NFATC1: variants seen among roughly 807,000 people sequenced by gnomAD.
The protein encoded by NFATC1 is nuclear factor of activated T-cells, cytoplasmic 1.
In NFATC1, 22 loss-of-function variants were observed where a neutral mutation model predicts 76.0. That is an observed-to-expected ratio of 0.29 (90% CI 0.21 to 0.41). NFATC1 has a LOEUF of 0.41. NFATC1 is among the 10% of genes least tolerant of loss of function. The pLI is 1.00. For missense variants in NFATC1, 1,357 were observed against 1,337.7 expected (o/e 1.01, Z -0.23); for synonymous variants, 704 against 613.1 (o/e 1.15, Z -2.19).
chr18:79,472,421 G>T (rs768446601), intron 8 of NFATC1, among the ~76,000 whole-genome samples: 4 of 152,218 alleles, frequency 2.6e-5, no homozygotes, highest in Non-Finnish European at 5.9e-5. Context: ...CTTCTGCTCA[G>T]CCCGGCAGCC....
rs750139191 is a variant in NFATC1 at position 79,486,367 on chromosome 18, C to A, written c.2212C>A (p.Pro738Thr). 2.5e-5 allele frequency: 40 copies of A among 1,613,068 alleles called. No individual in the cohort carries two copies. In the Middle Eastern group the frequency reaches 8.2e-4, roughly 33 times the overall value. Residue 738 changes from proline to threonine, a missense_variant, in exon 9 of 10, where the codon CCC (proline) becomes ACC (threonine). Transcript: ENST00000427363. ...PYYSQQLAMP[P>T]DPSSCLVAGF... ...CTACAGCCAGCAGCTCGCGATGCCA[C>A]CCGACCCCAGCTCCTGCCTCGTGGC...
At chr18:79,494,882 C>T (rs1430987022) in intron 9 of NFATC1, among the ~76,000 whole-genome samples, 3 of 139,212 alleles carry the variant, frequency 2.2e-5, no homozygotes, top group Admixed American at 1.4e-4. Context: ...AGCGGGCACA[C>T]GCCCCCCATG....
intron 9 of NFATC1, among the ~76,000 whole-genome samples, chr18:79,507,339 C>T (rs1002998721): frequency 2.6e-5 from 4 of 152,252 alleles, no homozygotes; most frequent in Admixed American, 6.5e-5. Context: ...GCCTGGACTG[C>T]GGGTTAGAGG....
chr18:79,426,777 T>G (rs2086351148), intron 2 of NFATC1, among the ~76,000 whole-genome samples: 1 of 152,210 alleles, frequency 6.6e-6, no homozygotes, highest in African/African-American at 2.4e-5. Context: ...CACTGCAGAT[T>G]CGCGGGAAGC....
chr18:79,469,096 G>A (rs762585903), intron 8 of NFATC1: 17 of 168,340 alleles, frequency 1.0e-4, no homozygotes, highest in Non-Finnish European at 1.8e-4. Context: ...TGGGGTTTAC[G>A]TGGTCTGTGC....
rs1170102092 is a variant in NFATC1 at position 79,464,668 on chromosome 18, GTGTA to G, written c.1960-2780_1960-2777del. Among the ~76,000 whole-genome samples the G allele has an allele frequency of 9.1e-3, 1,068 of 117,862 alleles. 56 individuals carry two copies. Among genetic ancestry groups the G allele is most frequent in the African/African-American group, 0.037 (982 of 26,432 alleles). The allele number at this position is 117,862 out of a possible 152,430, so 77.3% of individuals were successfully genotyped here. ...TGTGTTTGTGTGTGTGTGTGTGTGT[GTGTA>G]TATGTATGTGTATATATATATATTT... On this transcript the variant is annotated intron_variant, in intron 7 of 9. Transcript: ENST00000427363.
At chr18:79,458,412 G>A (rs1284586177) in intron 6 of NFATC1, among the ~76,000 whole-genome samples, 7 of 152,134 alleles carry the variant, frequency 4.6e-5, no homozygotes, top group Admixed American at 1.3e-4. Flanking sequence ...TTCCACCAGC[G>A]GCCCTCGTGG....
chr18:79,474,698 G>A (rs868812478), intron 8 of NFATC1, among the ~76,000 whole-genome samples: 51 of 134,256 alleles, frequency 3.8e-4, no homozygotes, highest in Middle Eastern at 6.8e-3. Flanking sequence ...CACTGTCGAC[G>A]TTGTGAGGGA....
intron 1 of NFATC1, among the ~76,000 whole-genome samples, chr18:79,408,121 G>A (rs2085505392): frequency 6.6e-6 from 1 of 152,214 alleles, no homozygotes; most frequent in South Asian, 2.1e-4. Context: ...CCTACCTGGG[G>A]CGCTAGAACC....
chr18:79,451,658 C>T lies in NFATC1; in HGVS notation c.1763-18C>T. 1 of 1,572,402 alleles carries T rather than the reference C, an allele frequency of 6.4e-7. No individual in the cohort carries two copies. Among genetic ancestry groups the T allele is most frequent in the Non-Finnish European group, 8.6e-7 (1 of 1,157,010 alleles). On this transcript the variant is annotated intron_variant, in intron 5 of 9. Transcript: ENST00000427363. ...CCACTCAGGACAGGCCCTCACTGCC[C>T]CTCTCCTTCTGATGCAGCCCAGCGC...
intron 1 of NFATC1, among the ~76,000 whole-genome samples, chr18:79,399,208 A>G (rs532370299): frequency 3.7e-4 from 56 of 152,380 alleles, no homozygotes; most frequent in Admixed American, 2.5e-3. Flanking sequence ...CCAAAGTCAG[A>G]AGTATTATTA....
At chr18:79,455,043 C>T (rs1455125095) in intron 6 of NFATC1, among the ~76,000 whole-genome samples, 1 of 152,222 alleles carries the variant, frequency 6.6e-6, no homozygotes, top group Non-Finnish European at 1.5e-5. Context: ...GAAACGTGAG[C>T]TCGGGCTGTG....
Position 79,486,890 on chromosome 18 carries a change from C to A in NFATC1, c.2735C>A (p.Thr912Lys). 1.2e-6 allele frequency: 2 copies of A among 1,609,358 alleles called. No homozygotes were observed. ...CCTAATTTGGCCCCTATTCCTGTAA[C>A]GGTCAAGCGAGAGCCTGAAGAGTTG... The part of the protein sequence containing the change: ...GSPNLAPIPV[T>K]VKREPEELDQ... The change falls in exon 9 of 10, where the codon ACG becomes AAG. Residue 912 changes from threonine (T) to lysine (K), a missense_variant. Around this residue, in one of 3 missense-constraint regions of NFATC1, gnomAD observed 424 missense variants for 395.4 expected, o/e 1.07. Transcript: ENST00000427363.
At chr18:79,463,821 CGCGGGTT>C (rs1049075947) in intron 7 of NFATC1, among the ~76,000 whole-genome samples, 17 of 152,062 alleles carry the variant, frequency 1.1e-4, no homozygotes, top group African/African-American at 4.1e-4. Flanking sequence ...CGCACATGCA[CGCGGGTT>C]GCGGGATGCA....
rs966162771 is a variant in NFATC1, at chr18:79,492,320, T to C, written c.2782+5383T>C. On this transcript the variant is annotated intron_variant, in intron 9 of 9. Transcript: ENST00000427363. ...TGAGGCTGGGCACGGTGGCTCACTT[T>C]GGGAGGCCTAGGTGGGTGGATCACC... Among the ~76,000 whole-genome samples the C allele has an allele frequency of 2.0e-5, 3 of 152,148 alleles. No homozygotes were observed. The East Asian group carries it at 5.8e-4, about 29-fold the overall frequency.
rs1463684689 is a variant in NFATC1, at chr18:79,527,854, T to C, written c.*277T>C. 2.0e-6 allele frequency: 1 copy of C among 509,902 alleles called. No homozygotes were observed. The highest frequency in any genetic ancestry group is 1.9e-5 in the African/African-American group (1 of 52,810). The allele number at this position is 509,902 out of a possible 1,614,324, so 31.6% of individuals were successfully genotyped here. The stretch of plus-strand genomic sequence containing the variant: ...ACGGGAGACCCACCGTGCAGGGGCC[T>C]TTCATGGGAACGGCCCACACGCAGT... On this transcript the variant is annotated 3_prime_UTR_variant, in exon 10 of 10. Coordinates refer to ENST00000427363, the MANE Select transcript of NFATC1 (RefSeq NM_001278669.2).
intron 9 of NFATC1, among the ~76,000 whole-genome samples, chr18:79,520,347 C>T (rs955580318): frequency 1.5e-5 from 2 of 137,854 alleles, no homozygotes; most frequent in East Asian, 4.0e-4. Context: ...GAGATGCTGA[C>T]GTGTCCCGGT....
chr18:79,456,444 G>A (rs1315629930), intron 6 of NFATC1, among the ~76,000 whole-genome samples: 2 of 152,206 alleles, frequency 1.3e-5, no homozygotes, highest in African/African-American at 4.8e-5. Flanking sequence ...CCCACCCCAG[G>A]GTGTCGCGGA....
intron 1 of NFATC1, among the ~76,000 whole-genome samples, chr18:79,402,542 C>T (rs542962444): frequency 3.0e-4 from 45 of 152,340 alleles, no homozygotes; most frequent in African/African-American, 1.1e-3. Context: ...TGCTGGCTCT[C>T]CAGGCGGCTT....
Sources: gnomAD v4.1 joint callset for allele counts (sites outside exome capture counted in the v4.1 genomes callset) on GRCh38, gnomAD v4.1.1 for gene constraint, gnomAD v4.1.1 regional missense constraint, MANE v1.5 for transcripts, NCBI Gene and HGNC (gene_info 2026-07-23, HGNC 2026-07-21) for gene names.